PRKCI: variants seen among roughly 807,000 people sequenced by gnomAD.
The protein encoded by PRKCI is protein kinase C iota type.
In PRKCI, 43 loss-of-function variants were observed where a neutral mutation model predicts 84.0. That is an observed-to-expected ratio of 0.51 (90% CI 0.40 to 0.66). The LOEUF (loss-of-function observed/expected upper bound fraction) is 0.66, where lower values mean the gene tolerates loss of function less well. PRKCI is among the 30% of genes least tolerant of loss of function. The probability of loss-of-function intolerance (pLI) is 0.00; values close to 1 mark genes in which losing one functional copy is unlikely to be tolerated. For synonymous variants in PRKCI, 216 were observed against 234.4 expected, an observed-to-expected ratio of 0.92 and a Z score of 0.72; for missense variants, 459 against 745.6, an observed-to-expected ratio of 0.62 and a Z score of 4.48.
intron 7 of PRKCI, 55 bp downstream of exon 7, chr3:170,273,395 C>G (rs1734043526): frequency 6.6e-7 from 1 of 1,523,758 alleles, no homozygotes; most frequent in Non-Finnish European, 9.1e-7. Flanking sequence ...CATGTAAAGA[C>G]TTACTTAGGT....
chr3:170,293,256 A>T, intron 13 of PRKCI, 127 bp from the exon 14 acceptor site: 1 of 796,600 alleles, frequency 1.3e-6, no homozygotes, highest in Non-Finnish European at 1.9e-6. Context: ...GCCTACCATG[A>T]TAGTTGGAAT....
At chr3:170,224,721 A>G (rs913927749) in intron 1 of PRKCI, among the ~76,000 whole-genome samples, 2 of 152,052 alleles carry the variant, frequency 1.3e-5, no homozygotes, top group African/African-American at 4.8e-5. Flanking sequence ...ACGGGGTTTC[A>G]CCATATTGGC....
At chr3:170,271,613 C>T (rs1022417545) in intron 6 of PRKCI, among the ~76,000 whole-genome samples, 1 of 151,872 alleles carries the variant, frequency 6.6e-6, no homozygotes, top group African/African-American at 2.4e-5. Flanking sequence ...GTAAAAGAAA[C>T]AGTTATTTGT....
chr3:170,274,958 A>G (rs185296441), intron 7 of PRKCI, among the ~76,000 whole-genome samples: 147 of 152,352 alleles, frequency 9.6e-4, no homozygotes, highest in African/African-American at 3.4e-3. Flanking sequence ...AAAAATAACG[A>G]AAGTACTTGT....
intron 3 of PRKCI, among the ~76,000 whole-genome samples, chr3:170,260,858 T>G (rs1733707450): frequency 6.6e-6 from 1 of 152,222 alleles, no homozygotes. Flanking sequence ...TCATTGTAAC[T>G]GGCACGTTGT....
intron 12 of PRKCI, among the ~76,000 whole-genome samples, chr3:170,285,916 A>ATTTT (rs553916153): frequency 1.5e-5 from 2 of 131,494 alleles, no homozygotes; most frequent in Admixed American, 7.7e-5. Context: ...GCTAATTTTA[A>ATTTT]TTTTTTTTTT....
At chr3:170,244,814 A>G (rs1304964126) in intron 2 of PRKCI, 2 of 152,316 alleles carry the variant, frequency 1.3e-5, no homozygotes, top group African/African-American at 4.8e-5. Context: ...TTTACAGCTA[A>G]TTGATCACAG....
intron 13 of PRKCI, 58 bp downstream of exon 13, chr3:170,291,999 G>A (rs1734564657): frequency 3.4e-6 from 4 of 1,181,296 alleles, no homozygotes; most frequent in Admixed American, 3.4e-5. Context: ...GTAAAATGTG[G>A]TACCAATTGC....
intron 4 of PRKCI, 112 bp downstream of exon 4, chr3:170,263,541 C>A: frequency 2.3e-6 from 2 of 859,746 alleles, no homozygotes; most frequent in Non-Finnish European, 3.7e-6. Flanking sequence ...GTGGCTAATG[C>A]CTGTAATCCC....
At chr3:170,234,215 G>C (rs1334252209) in intron 1 of PRKCI, among the ~76,000 whole-genome samples, 4 of 151,494 alleles carry the variant, frequency 2.6e-5, no homozygotes, top group African/African-American at 9.7e-5. Flanking sequence ...ATTTTTAGTA[G>C]AGTCAGGGTT....
chr3:170,297,571 C>T (rs1328076482), intron 16 of PRKCI, among the ~76,000 whole-genome samples, 178 bp downstream of exon 16: 1 of 152,158 alleles, frequency 6.6e-6, no homozygotes, highest in Non-Finnish European at 1.5e-5. Flanking sequence ...TCTGTCTCTG[C>T]CTCCCTAGTA....
intron 2 of PRKCI, among the ~76,000 whole-genome samples, chr3:170,247,381 T>C (rs896797409): frequency 6.6e-6 from 1 of 151,848 alleles, no homozygotes; most frequent in African/African-American, 2.4e-5. Flanking sequence ...ATCCAGTGTT[T>C]TAAAATTGTT....
chr3:170,240,154 CCT>C (rs913771427), intron 2 of PRKCI, among the ~76,000 whole-genome samples: 2 of 151,516 alleles, frequency 1.3e-5, no homozygotes, highest in African/African-American at 2.4e-5. Flanking sequence ...AAAGCAATAC[CCT>C]GTTTCCAAAA....
Position 170,222,425 on chromosome 3 carries a change from A to G in PRKCI, c.-245A>G. On this transcript the variant is annotated 5_prime_UTR_variant, in exon 1 of 18. Coordinates refer to ENST00000295797, the MANE Select transcript of PRKCI (RefSeq NM_002740.6). ...GGAGCGAGCGAAGTGGGAGGGACCG[A>G]CGCAGGAGGTGTCTTGGGCCCGGGC... is the stretch of plus-strand genomic sequence containing the variant. 2.3e-6 allele frequency: 1 copy of G among 433,482 alleles called. No homozygotes were observed. The highest frequency in any genetic ancestry group is 4.0e-6 in the Non-Finnish European group (1 of 248,444). 26.9% of individuals were successfully genotyped at this position (433,482 alleles called of 1,614,324 possible).
chr3:170,259,893 C>T, intron 2 of PRKCI, 76 bp from the exon 3 acceptor site: 1 of 728,166 alleles, frequency 1.4e-6, no homozygotes, highest in Admixed American at 2.8e-5. Context: ...TAAAAATTTA[C>T]ATTATGAAAT....
Position 170,295,898 on chromosome 3 carries a change from T to C in PRKCI, c.1418-13T>C. ...AAAAGTTAAATATAATACTATAATTTTTATCTTTCTAGTTATTTTGGAAAA... is the reference window on the plus strand; with the variant it reads ...AAAAGTTAAATATAATACTATAATTCTTATCTTTCTAGTTATTTTGGAAAA... On this transcript the variant is annotated splice_polypyrimidine_tract_variant and intron_variant, in intron 14 of 17. Transcript: ENST00000295797. 6.7e-7 allele frequency: 1 copy of C among 1,487,414 alleles called. No individual in the cohort carries two copies. The highest frequency in any genetic ancestry group is 9.2e-7 in the Non-Finnish European group (1 of 1,088,292). The allele number at this position is 1,487,414 out of a possible 1,614,324, so 92.1% of individuals were successfully genotyped here. A position where few individuals can be genotyped will look rare whatever the true frequency, so the allele number is the denominator to read the frequency against.
rs540921673 is a variant in PRKCI, at chr3:170,291,816, T to C, written c.1204-38T>C. 25 of 1,510,280 alleles carry C rather than the reference T, an allele frequency of 1.7e-5. No homozygotes were observed. In the East Asian group the frequency reaches 5.4e-4, roughly 33 times the overall value. The allele number at this position is 1,510,280 out of a possible 1,614,324, so 93.6% of individuals were successfully genotyped here. The stretch of plus-strand genomic sequence containing the variant: ...AAAGGGTGAATTTAAAACAGAACTT[T>C]TTATCTCATTCTTTCTTTCTGTTCT... On this transcript the variant is annotated intron_variant, in intron 12 of 17. Transcript: ENST00000295797.
At chr3:170,282,011 C>T in intron 11 of PRKCI, 43 bp downstream of exon 11, 1 of 1,591,412 alleles carries the variant, frequency 6.3e-7, no homozygotes, top group Non-Finnish European at 8.5e-7. Flanking sequence ...TTTTTGGGGC[C>T]ATGTGGCTTT....
chr3:170,233,393 T>C (rs1732855077), intron 1 of PRKCI, among the ~76,000 whole-genome samples: 1 of 152,102 alleles, frequency 6.6e-6, no homozygotes, highest in Admixed American at 6.6e-5. Flanking sequence ...ATTTTGGGAA[T>C]CTTTGTGATA....
Sources: allele counts gnomAD v4.1 joint callset (sites outside exome capture counted in the v4.1 genomes callset), GRCh38; gene constraint gnomAD v4.1.1; transcripts MANE v1.5; gene names NCBI Gene and HGNC (gene_info 2026-07-23, HGNC 2026-07-21).